The following EPHA3 variants were observed in gnomAD, a reference collection of about 807,000 sequenced individuals.
EPHA3 encodes the protein EPH receptor A3.
In EPHA3, 42 loss-of-function variants were observed where a neutral mutation model predicts 107.1. The ratio of observed to expected loss-of-function variants is 0.39; its 90% CI spans 0.31 to 0.51. EPHA3 has a LOEUF of 0.51. Ranked by LOEUF, EPHA3 falls within the 20% of genes least tolerant of loss-of-function variation. The probability of loss-of-function intolerance (pLI) is 0.78; values close to 1 mark genes in which losing one functional copy is unlikely to be tolerated. For synonymous variants in EPHA3, 461 were observed against 424.8 expected (o/e 1.09, Z -1.05); for missense variants, 1,183 against 1,211.2 (o/e 0.98, Z 0.35).
chr3:89,192,130 T>G (rs12486049), intron 2 of EPHA3, among the ~76,000 whole-genome samples: 21,925 of 152,088 alleles, frequency 0.14, 1,743 homozygotes, highest in African/African-American at 0.22. Flanking sequence ...TAAATATCAA[T>G]AACTTAGAAA....
chr3:89,470,079 A>C (rs73139104), intron 15 of EPHA3, among the ~76,000 whole-genome samples: 28,695 of 151,324 alleles, frequency 0.19, 3,278 homozygotes, highest in Non-Finnish European at 0.24. Context: ...ATTATATATA[A>C]AGTTTTAACA....
chr3:89,417,012 T>G (rs1709261422), intron 10 of EPHA3, among the ~76,000 whole-genome samples: 1 of 151,504 alleles, frequency 6.6e-6, no homozygotes, highest in South Asian at 2.1e-4. Flanking sequence ...CAGTTTGATT[T>G]AAACAGAAAC....
intron 1 of EPHA3, among the ~76,000 whole-genome samples, chr3:89,114,063 G>A (rs145092681): frequency 2.0e-5 from 3 of 152,260 alleles, no homozygotes; most frequent in Non-Finnish European, 2.9e-5. Context: ...AACCAACATG[G>A]TGAAGTGAGA....
intron 1 of EPHA3, among the ~76,000 whole-genome samples, chr3:89,125,369 G>A (rs1300838869): frequency 1.3e-5 from 2 of 151,646 alleles, no homozygotes; most frequent in African/African-American, 4.8e-5. Flanking sequence ...CAGAATAAAT[G>A]TTAGTAATAT....
chr3:89,178,589 T>C (rs1332440078), intron 2 of EPHA3, among the ~76,000 whole-genome samples: 3 of 152,054 alleles, frequency 2.0e-5, no homozygotes, highest in Admixed American at 6.6e-5. Context: ...AGTTTGTGGA[T>C]TGGAGCAGAT....
chr3:89,220,990 G>C (rs899652080), intron 3 of EPHA3, among the ~76,000 whole-genome samples: 4 of 152,158 alleles, frequency 2.6e-5, no homozygotes, highest in Non-Finnish European at 4.4e-5. Flanking sequence ...GAAAACTGGA[G>C]GCTTAGAAAA....
chr3:89,184,131 C>CTGG (rs1705506409), intron 2 of EPHA3, among the ~76,000 whole-genome samples: 1 of 151,862 alleles, frequency 6.6e-6, no homozygotes, highest in African/African-American at 2.4e-5. Context: ...TTATAGAGAT[C>CTGG]ACTGGAAAAT....
chr3:89,241,352 G>C (rs1440499210), intron 3 of EPHA3, among the ~76,000 whole-genome samples: 1 of 152,138 alleles, frequency 6.6e-6, no homozygotes, highest in Admixed American at 6.6e-5. Context: ...TTTGAAAACT[G>C]ATTGGCATTT....
intron 3 of EPHA3, among the ~76,000 whole-genome samples, chr3:89,218,188 G>A (rs901868489): frequency 5.3e-5 from 8 of 151,702 alleles, no homozygotes; most frequent in African/African-American, 1.7e-4. Context: ...TGTGCACAAC[G>A]TGCAGGTTTG....
intron 2 of EPHA3, among the ~76,000 whole-genome samples, chr3:89,190,914 T>C (rs571140231): frequency 6.6e-5 from 10 of 152,304 alleles, no homozygotes; most frequent in African/African-American, 2.4e-4. Flanking sequence ...TTTCATTTAA[T>C]TACCTCTTTA....
At chr3:89,229,277 G>T (rs1704571303) in intron 3 of EPHA3, among the ~76,000 whole-genome samples, 1 of 151,880 alleles carries the variant, frequency 6.6e-6, no homozygotes, top group Non-Finnish European at 1.5e-5. Context: ...TCACTTTAGT[G>T]ATAAATTACT....
chr3:89,407,456 C>A, intron 8 of EPHA3, 85 bp downstream of exon 8: 1 of 1,069,946 alleles, frequency 9.3e-7, no homozygotes, highest in Non-Finnish European at 1.4e-6. Flanking sequence ...GAAGAGTGTG[C>A]TCAATAAAAT....
At chr3:89,166,813 G>A (rs1705082431) in intron 2 of EPHA3, among the ~76,000 whole-genome samples, 2 of 152,136 alleles carry the variant, frequency 1.3e-5, no homozygotes, top group South Asian at 2.1e-4. Flanking sequence ...ACAATATTAA[G>A]GGGGTGCTTT....
At position 89,421,515 on chromosome 3, in the gene EPHA3, T is replaced by A. The variant is rs578020793; in HGVS notation, c.2074+2125T>A. On this transcript the variant is annotated intron_variant, in intron 11 of 16. Coordinates refer to ENST00000336596, the MANE Select transcript of EPHA3 (RefSeq NM_005233.6). The stretch of plus-strand genomic sequence containing the variant: ...AAAAATGATTACTTTTTAGCTTGAA[T>A]AGAATCATAATCTAACTTCTTCAAC... 2.3e-4 allele frequency among the ~76,000 whole-genome samples: 35 copies of A among 151,400 alleles called. No individual in the cohort carries two copies. In the East Asian group the frequency reaches 3.1e-3, roughly 13 times the overall value.
rs372696481 is a variant in EPHA3 at position 89,281,004 on chromosome 3, ATTATTTAT to A, written c.815-59882_815-59875del. Among the ~76,000 whole-genome samples, 46 of 147,364 alleles carry A rather than the reference ATTATTTAT, an allele frequency of 3.1e-4. No homozygotes were observed. The South Asian group carries it at 5.0e-3, about 16-fold the overall frequency. Reference sequence around the variant, plus strand: ...ACCATATGAATCTTACAAGATTTTTATTATTTATTTATTTATTTATTTATTTATTTATT... The same window carrying A: ...ACCATATGAATCTTACAAGATTTTTATTATTTATTTATTTATTTATTTATT... On this transcript the variant is annotated intron_variant, in intron 3 of 16. Transcript: ENST00000336596.
At chr3:89,399,253 G>GT (rs1326208068) in intron 6 of EPHA3, 65 bp from the exon 7 acceptor site, 5 of 1,468,294 alleles carry the variant, frequency 3.4e-6, no homozygotes, top group East Asian at 2.3e-5. Flanking sequence ...GTGGTTCACT[G>GT]TTTATCATTT....
intron 2 of EPHA3, among the ~76,000 whole-genome samples, chr3:89,166,119 C>G (rs1372964799): frequency 6.6e-6 from 1 of 152,166 alleles, no homozygotes; most frequent in Non-Finnish European, 1.5e-5. Flanking sequence ...GTCTTAGCAC[C>G]CTTCAGGTCT....
chr3:89,181,751 C>A (rs144515394), intron 2 of EPHA3, among the ~76,000 whole-genome samples: 1,996 of 152,038 alleles, frequency 0.013, 52 homozygotes, highest in African/African-American at 0.046. Flanking sequence ...ATTGTGGCAG[C>A]AGATCGTTAA....
At chr3:89,125,521 C>G (rs2106970149) in intron 1 of EPHA3, among the ~76,000 whole-genome samples, 1 of 151,662 alleles carries the variant, frequency 6.6e-6, no homozygotes, top group African/African-American at 2.4e-5. Context: ...ATTAAGCATA[C>G]TGTTAATTTC....
Sources: allele counts gnomAD v4.1 joint callset (sites outside exome capture counted in the v4.1 genomes callset), GRCh38; gene constraint gnomAD v4.1.1; transcripts MANE v1.5; gene names NCBI Gene and HGNC (gene_info 2026-07-23, HGNC 2026-07-21).